Variants in LIFR observed in about 807,000 individuals in gnomAD.
LIFR encodes the protein LIF receptor subunit alpha.
In LIFR, 84 loss-of-function variants were observed where a neutral mutation model predicts 122.2. The ratio of observed to expected loss-of-function variants is 0.69; its 90% CI spans 0.58 to 0.82. The LOEUF is 0.82. LIFR is among the 40% of genes least tolerant of loss of function. The pLI is 0.00. For synonymous variants in LIFR, 422 were observed against 434.7 expected (o/e 0.97, Z 0.36); for missense variants, 1,294 against 1,311.6 (o/e 0.99, Z 0.21).
intron 1 of LIFR, among the ~76,000 whole-genome samples, chr5:38,568,182 G>A (rs1191826667): frequency 6.6e-6 from 1 of 152,126 alleles, no homozygotes; most frequent in Non-Finnish European, 1.5e-5. Flanking sequence ...TAAACACATA[G>A]GTAAATAATG....
At chr5:38,536,445 A>G (rs1215699319) in intron 1 of LIFR, among the ~76,000 whole-genome samples, 1 of 152,202 alleles carries the variant, frequency 6.6e-6, no homozygotes, top group African/African-American at 2.4e-5. Flanking sequence ...TTTAAATCAT[A>G]TGAGAGGATA....
intron 5 of LIFR, among the ~76,000 whole-genome samples, chr5:38,513,514 T>C (rs188860439): frequency 8.3e-4 from 127 of 152,276 alleles, no homozygotes; most frequent in African/African-American, 3.0e-3. Context: ...AAACAGAATA[T>C]CTTTGGATTG....
chr5:38,509,582 A>G (rs1277357724), intron 7 of LIFR, among the ~76,000 whole-genome samples: 3 of 152,178 alleles, frequency 2.0e-5, no homozygotes, highest in Admixed American at 1.3e-4. Context: ...AGAAAGAAAA[A>G]GCACTAAGGA....
At chr5:38,578,323 C>A (rs1749463440) in intron 1 of LIFR, among the ~76,000 whole-genome samples, 1 of 151,264 alleles carries the variant, frequency 6.6e-6, no homozygotes, top group East Asian at 2.0e-4. Flanking sequence ...TCCCCTGCCT[C>A]AGCCTCCTGA....
At chr5:38,538,207 C>G (rs933935210) in intron 1 of LIFR, among the ~76,000 whole-genome samples, 3 of 152,204 alleles carry the variant, frequency 2.0e-5, no homozygotes, top group African/African-American at 7.2e-5. Context: ...CATTCAGATT[C>G]TATTCCTACT....
At chr5:38,573,927 C>T (rs1281875582) in intron 1 of LIFR, among the ~76,000 whole-genome samples, 1 of 151,960 alleles carries the variant, frequency 6.6e-6, no homozygotes, top group Non-Finnish European at 1.5e-5. Context: ...CCAGCCTGGC[C>T]AACATGGTGA....
chr5:38,489,355 CTTTA>C (rs780277871), intron 15 of LIFR, 110 bp from the exon 16 acceptor site: 2 of 897,546 alleles, frequency 2.2e-6, no homozygotes, highest in South Asian at 1.5e-5. Flanking sequence ...GGAATTAAAA[CTTTA>C]TTTAATCATA....
At chr5:38,518,677 T>C (rs980326848) in intron 5 of LIFR, among the ~76,000 whole-genome samples, 3 of 152,370 alleles carry the variant, frequency 2.0e-5, no homozygotes, top group Admixed American at 2.0e-4. Context: ...GTTACTGGTG[T>C]ATGTATTTAG....
Position 38,482,237 on chromosome 5 carries a change from A to G in LIFR, c.2671-19T>C. ...TGCTTCCCTAGAAATAAATTTAAAC[A>G]CAGTGATTAAAAATAGCACTAAATG... On this transcript the variant is annotated intron_variant, in intron 19 of 19. Transcript: ENST00000453190. The G allele has an allele frequency of 6.3e-7, 1 of 1,599,726 alleles. No individual in the cohort carries two copies. Among genetic ancestry groups the G allele is most frequent in the Non-Finnish European group, 8.5e-7 (1 of 1,176,274 alleles).
intron 7 of LIFR, among the ~76,000 whole-genome samples, chr5:38,507,658 C>T (rs953088883): frequency 1.3e-5 from 2 of 151,228 alleles, no homozygotes; most frequent in Admixed American, 6.6e-5. Context: ...TTTAACCATA[C>T]ACATATAGAA....
chr5:38,601,285 G>T (rs1750218187), intron 2 of LIFR, among the ~76,000 whole-genome samples: 1 of 152,200 alleles, frequency 6.6e-6, no homozygotes, highest in Admixed American at 6.5e-5. Flanking sequence ...CACCTTATCT[G>T]CTGACACCTT....
intron 5 of LIFR, among the ~76,000 whole-genome samples, chr5:38,521,363 G>A (rs1746388749): frequency 6.6e-6 from 1 of 152,164 alleles, no homozygotes; most frequent in Non-Finnish European, 1.5e-5. Flanking sequence ...TATATCACCA[G>A]CAAAGAGGGA....
At chr5:38,507,167 T>G (rs1745530553) in intron 7 of LIFR, among the ~76,000 whole-genome samples, 1 of 152,142 alleles carries the variant, frequency 6.6e-6, no homozygotes, top group African/African-American at 2.4e-5. Context: ...ACTGCGGCTC[T>G]TTTGTTGTTT....
In LIFR at chr5:38,511,968, A is replaced by C; in HGVS notation, c.562-4T>G. The C allele has an allele frequency of 6.2e-7, 1 of 1,613,876 alleles. No individual in the cohort carries two copies. Among genetic ancestry groups the C allele is most frequent in the Non-Finnish European group, 8.5e-7 (1 of 1,179,870 alleles). ...TCAGAGTTGTGTTGTGGGTCACCTA[A>C]AAATGAACACAAACACAAAACTGTA... On this transcript the variant is annotated splice_polypyrimidine_tract_variant and splice_region_variant and intron_variant, in intron 5 of 19. Coordinates refer to ENST00000453190, the MANE Select transcript of LIFR (RefSeq NM_001127671.2).
At chr5:38,508,953 A>G (rs1317056332) in intron 7 of LIFR, among the ~76,000 whole-genome samples, 6 of 152,212 alleles carry the variant, frequency 3.9e-5, no homozygotes, top group Admixed American at 2.6e-4. Flanking sequence ...GAAATAAATG[A>G]ATCCTGATAC....
chr5:38,560,387 G>A (rs1580193175), upstream of LIFR, among the ~76,000 whole-genome samples: 1 of 152,056 alleles, frequency 6.6e-6, no homozygotes, highest in East Asian at 1.9e-4. Flanking sequence ...TAGATTTTAT[G>A]TTCTTTACCC....
intron 5 of LIFR, among the ~76,000 whole-genome samples, chr5:38,518,609 T>C (rs1000000760): frequency 6.6e-6 from 1 of 152,164 alleles, no homozygotes; most frequent in African/African-American, 2.4e-5. Flanking sequence ...GGTATAAGAG[T>C]ATAACACATA....
At chr5:38,554,680 C>T (rs1429401958) in intron 1 of LIFR, among the ~76,000 whole-genome samples, 1 of 152,092 alleles carries the variant, frequency 6.6e-6, no homozygotes, top group Non-Finnish European at 1.5e-5. Flanking sequence ...AGAACACGTA[C>T]AGAATGTTTA....
intron 6 of LIFR, 39 bp from the exon 7 acceptor site, chr5:38,510,757 A>C (rs1201300255): frequency 2.6e-6 from 4 of 1,545,780 alleles, no homozygotes; most frequent in Non-Finnish European, 3.5e-6. Flanking sequence ...TTTTATATAG[A>C]AGTATTTTAC....
Sources: gnomAD v4.1 joint callset for allele counts (sites outside exome capture counted in the v4.1 genomes callset) on GRCh38, gnomAD v4.1.1 for gene constraint, MANE v1.5 for transcripts, NCBI Gene and HGNC (gene_info 2026-07-23, HGNC 2026-07-21) for gene names.